DENND5A: variants seen among roughly 807,000 people sequenced by gnomAD.
DENND5A encodes the protein DENN domain-containing protein 5A.
A neutral mutation model predicts 140.3 loss-of-function variants in DENND5A; 64 were observed. The observed-to-expected ratio is 0.46, with a 90% CI of 0.37 to 0.56. DENND5A has a LOEUF of 0.56. Ranked by LOEUF, DENND5A falls within the 20% of genes least tolerant of loss-of-function variation. The probability of loss-of-function intolerance (pLI) is 0.00; values close to 1 mark genes in which losing one functional copy is unlikely to be tolerated. For synonymous variants in DENND5A, 605 were observed against 607.7 expected (o/e 1.00, Z 0.07); for missense variants, 1,292 against 1,593.8 (o/e 0.81, Z 3.22).
chr11:9,162,482 G>A (rs1479592383), intron 11 of DENND5A, among the ~76,000 whole-genome samples: 4 of 151,456 alleles, frequency 2.6e-5, no homozygotes, highest in African/African-American at 9.7e-5. Flanking sequence ...CAAGTGATCT[G>A]CCCACCTCAG....
At chr11:9,250,793 T>C (rs964547884) in intron 1 of DENND5A, among the ~76,000 whole-genome samples, 1 of 152,200 alleles carries the variant, frequency 6.6e-6, no homozygotes, top group East Asian at 1.9e-4. Context: ...GTGACCAATA[T>C]AAACCAATGC....
At chr11:9,262,341 A>G (rs563707440) in intron 1 of DENND5A, among the ~76,000 whole-genome samples, 1 of 152,288 alleles carries the variant, frequency 6.6e-6, no homozygotes, top group East Asian at 1.9e-4. Flanking sequence ...TTCTCAAACC[A>G]AGTGTTCATA....
intron 1 of DENND5A, among the ~76,000 whole-genome samples, chr11:9,250,474 G>A (rs747026527): frequency 2.0e-5 from 3 of 152,060 alleles, no homozygotes; most frequent in Non-Finnish European, 4.4e-5. Context: ...CAAAGAGGTC[G>A]CACTACAGCT....
chr11:9,172,452 C>T (rs1195332074), intron 8 of DENND5A, among the ~76,000 whole-genome samples: 12 of 152,200 alleles, frequency 7.9e-5, no homozygotes, highest in Non-Finnish European at 1.6e-4. Context: ...TCCATGTCCG[C>T]ACCCAAATCT....
chr11:9,207,674 T>C (rs1261723565), intron 1 of DENND5A, 42 bp from the exon 2 acceptor site: 1 of 1,428,632 alleles, frequency 7.0e-7, no homozygotes, highest in Admixed American at 1.8e-5. Flanking sequence ...AATAAAGCAG[T>C]GTTATTCAAA....
intron 5 of DENND5A, among the ~76,000 whole-genome samples, chr11:9,181,469 C>T (rs554758499): frequency 6.6e-6 from 1 of 152,272 alleles, no homozygotes; most frequent in East Asian, 1.9e-4. Context: ...CGCAGTGGCT[C>T]ACATCTGCAA....
intron 4 of DENND5A, among the ~76,000 whole-genome samples, chr11:9,202,287 C>T (rs1849547710): frequency 6.6e-6 from 1 of 152,048 alleles, no homozygotes; most frequent in South Asian, 2.1e-4. Context: ...CAGACATTAT[C>T]GGGTACCAGA....
At chr11:9,251,408 G>C (rs1851714301) in intron 1 of DENND5A, among the ~76,000 whole-genome samples, 1 of 152,110 alleles carries the variant, frequency 6.6e-6, no homozygotes, top group South Asian at 2.1e-4. Flanking sequence ...AGCTCTACAA[G>C]AGATTCCATG....
rs1403671626 is a variant in DENND5A, at chr11:9,170,791, C to T, written c.1907-14G>A. ...CAATTGCTTTCTCTGGATGAGAATA[C>T]ACACACACACACACACACACACACA... On this transcript the variant is annotated splice_polypyrimidine_tract_variant and intron_variant, in intron 8 of 22. Coordinates refer to ENST00000328194, the MANE Select transcript of DENND5A (RefSeq NM_015213.4). 7 of 478,116 alleles carry T rather than the reference C, an allele frequency of 1.5e-5. No individual in the cohort carries two copies. Among genetic ancestry groups the T allele is most frequent in the African/African-American group, 1.0e-4 (2 of 19,822 alleles). The allele number at this position is 478,116 out of a possible 1,614,324, so 29.6% of individuals were successfully genotyped here.
rs755239034 is a variant in DENND5A at position 9,146,704 on chromosome 11, A to G, written c.2857+326T>C. ...AACAAAAGGGAGATTCTTTGTGGGTATGCAGGGAGGGAGGTAAACTGCATC... is the reference window on the plus strand; with the variant it reads ...AACAAAAGGGAGATTCTTTGTGGGTGTGCAGGGAGGGAGGTAAACTGCATC... On this transcript the variant is annotated intron_variant, in intron 16 of 22. Transcript: ENST00000328194. The G allele has an allele frequency of 7.2e-4, 143 of 197,844 alleles. 1 individual carries two copies. Among genetic ancestry groups the G allele is most frequent in the Non-Finnish European group, 1.2e-3 (118 of 98,108 alleles). 12.3% of individuals were successfully genotyped at this position (197,844 alleles called of 1,614,324 possible).
intron 1 of DENND5A, among the ~76,000 whole-genome samples, chr11:9,231,088 T>C (rs1479399675): frequency 6.6e-6 from 1 of 152,246 alleles, no homozygotes; most frequent in East Asian, 1.9e-4. Context: ...GACACATTTG[T>C]ATTGAGCATA....
At chr11:9,161,849 G>A (rs1319006713) in intron 11 of DENND5A, among the ~76,000 whole-genome samples, 1 of 151,574 alleles carries the variant, frequency 6.6e-6, no homozygotes, top group African/African-American at 2.4e-5. Context: ...AAACAATATA[G>A]TATATTTATA....
chr11:9,198,485 C>T (rs373596025), intron 4 of DENND5A, among the ~76,000 whole-genome samples: 1 of 151,900 alleles, frequency 6.6e-6, no homozygotes, highest in African/African-American at 2.4e-5. Flanking sequence ...GTGGTGCACA[C>T]CTGTAGTCCC....
chr11:9,144,032 C>A, intron 19 of DENND5A, 65 bp downstream of exon 19: 1 of 1,535,732 alleles, frequency 6.5e-7, no homozygotes, highest in South Asian at 1.3e-5. Context: ...ATTATCAGGG[C>A]TCACAGAGAT....
intron 1 of DENND5A, among the ~76,000 whole-genome samples, chr11:9,240,528 G>A (rs1348724607): frequency 1.3e-5 from 2 of 151,958 alleles, no homozygotes; most frequent in Middle Eastern, 3.2e-3. Flanking sequence ...TGGGCAACGT[G>A]GTGAAAACCC....
At position 9,248,499 on chromosome 11, in the gene DENND5A, T is replaced by G. The variant is rs188340922; in HGVS notation, c.109+16462A>C. ...CACACTCACTATCTCTACAAAAAAT[T>G]TAAAAATGAGACAGGTGTGGTGGCA... On this transcript the variant is annotated intron_variant, in intron 1 of 22. Transcript: ENST00000328194. Among the ~76,000 whole-genome samples the G allele has an allele frequency of 2.5e-3, 383 of 151,640 alleles. 2 individuals carry two copies. Among genetic ancestry groups the G allele is most frequent in the Non-Finnish European group, 4.3e-3 (289 of 67,872 alleles).
At chr11:9,245,073 A>G (rs1430409198) in intron 1 of DENND5A, among the ~76,000 whole-genome samples, 1 of 151,424 alleles carries the variant, frequency 6.6e-6, no homozygotes, top group Non-Finnish European at 1.5e-5. Context: ...TCACGAGGTC[A>G]GGAGACCAAT....
intron 1 of DENND5A, among the ~76,000 whole-genome samples, chr11:9,263,523 C>T (rs1852300532): frequency 6.6e-6 from 1 of 151,088 alleles, no homozygotes; most frequent in Non-Finnish European, 1.5e-5. Flanking sequence ...TGGTGGGCCA[C>T]CGCGCCCCGC....
chr11:9,213,079 C>T (rs936646182), intron 1 of DENND5A, among the ~76,000 whole-genome samples: 5 of 150,190 alleles, frequency 3.3e-5, no homozygotes, highest in African/African-American at 4.9e-5. Context: ...TCTTGACTCA[C>T]TGCAACATCC....
Sources: gnomAD v4.1 joint callset for allele counts (sites outside exome capture counted in the v4.1 genomes callset) on GRCh38, gnomAD v4.1.1 for gene constraint, MANE v1.5 for transcripts, NCBI Gene and HGNC (gene_info 2026-07-23, HGNC 2026-07-21) for gene names.